The following LNPK variants were observed in gnomAD, a reference collection of about 807,000 sequenced individuals.
LNPK encodes lunapark, ER junction formation factor, also known as endoplasmic reticulum junction formation protein lunapark.
In LNPK, 29 loss-of-function variants were observed where a neutral mutation model predicts 55.2. That is an observed-to-expected ratio of 0.53 (90% CI 0.39 to 0.72). The LOEUF is 0.72. LNPK is among the 30% of genes least tolerant of loss of function. The probability of loss-of-function intolerance (pLI) is 0.00; values close to 1 mark genes in which losing one functional copy is unlikely to be tolerated. For missense variants in LNPK, 467 were observed against 494.8 expected, an observed-to-expected ratio of 0.94 and a Z score of 0.53; for synonymous variants, 162 against 168.2, an observed-to-expected ratio of 0.96 and a Z score of 0.29.
intron 9 of LNPK, among the ~76,000 whole-genome samples, 188 bp downstream of exon 9, chr2:175,947,287 ATAGGT>A (rs1284695745): frequency 1.3e-5 from 2 of 152,194 alleles, no homozygotes; most frequent in African/African-American, 4.8e-5. Flanking sequence ...AGCTCAAGAA[ATAGGT>A]TTCAGTATCA....
At chr2:175,957,815 C>T (rs977665382) in intron 8 of LNPK, among the ~76,000 whole-genome samples, 31 of 152,168 alleles carry the variant, frequency 2.0e-4, no homozygotes, top group Non-Finnish European at 4.3e-4. Context: ...CAAGGGAAGC[C>T]GTCACAGACA....
chr2:175,950,278 T>C (rs1020136017), intron 8 of LNPK, among the ~76,000 whole-genome samples: 1 of 152,080 alleles, frequency 6.6e-6, no homozygotes, highest in African/African-American at 2.4e-5. Context: ...TTAAGGGTTA[T>C]GAATAAAGGT....
chr2:175,934,640 A>G (rs1181822753), intron 12 of LNPK, among the ~76,000 whole-genome samples: 1 of 152,122 alleles, frequency 6.6e-6, no homozygotes, highest in Non-Finnish European at 1.5e-5. Context: ...CATAAAAAGA[A>G]TGCTTTTTTA....
chr2:175,967,364 T>C (rs890457182), intron 6 of LNPK, among the ~76,000 whole-genome samples: 2 of 152,142 alleles, frequency 1.3e-5, no homozygotes, highest in Non-Finnish European at 2.9e-5. Context: ...ATACAGCCAT[T>C]ACATCATAGA....
At position 175,937,530 on chromosome 2, in the gene LNPK, T is replaced by A. The variant is rs1366834357; in HGVS notation, c.884-16A>T. 1.9e-6 allele frequency: 3 copies of A among 1,598,708 alleles called. No homozygotes were observed. Among genetic ancestry groups the A allele is most frequent in the East Asian group, 2.2e-5 (1 of 44,566 alleles). On this transcript the variant is annotated splice_polypyrimidine_tract_variant and intron_variant, in intron 11 of 12. Transcript: ENST00000272748. ...CATCGAAAAGCTGCAGAGAATTTTT[T>A]AAAAATAAGCAAAACCACAAACCAA...
At chr2:175,992,191 CAG>C in intron 4 of LNPK, 38 bp downstream of exon 4, 1 of 1,346,454 alleles carries the variant, frequency 7.4e-7, no homozygotes, top group Non-Finnish European at 1.0e-6. Flanking sequence ...ACTCTCTAGT[CAG>C]AAAAGGAAAA....
Position 175,937,398 on chromosome 2 carries a change from C to G in LNPK, c.1000G>C (p.Val334Leu). Residue 334 changes from valine (V) to leucine (L), a missense_variant, in exon 12 of 13, where the codon GTT becomes CTT. By Grantham distance (32) the Val-to-Leu change is conservative (BLOSUM62 1). Transcript: ENST00000272748. Reference protein sequence around the residue: ...KRQVVEGSSSVGPLPSGSVLS... With the variant: ...KRQVVEGSSSLGPLPSGSVLS... ...ACACTTCCTGATGGCAAGGGACCAACTGAACTTGAACCTTCCACCACCTGC... is the reference window on the plus strand; with the variant it reads ...ACACTTCCTGATGGCAAGGGACCAAGTGAACTTGAACCTTCCACCACCTGC... The G allele has an allele frequency of 6.2e-7, 1 of 1,613,750 alleles. No homozygotes were observed. The highest frequency in any genetic ancestry group is 8.5e-7 in the Non-Finnish European group (1 of 1,179,742).
At chr2:175,997,450 T>C (rs1280299049) in intron 1 of LNPK, among the ~76,000 whole-genome samples, 1 of 152,196 alleles carries the variant, frequency 6.6e-6, no homozygotes, top group Non-Finnish European at 1.5e-5. Context: ...TAGATTCATA[T>C]GAATCACTTG....
rs570875123 is a variant in LNPK, at chr2:175,944,167, C to T, written c.706+3313G>A. The stretch of plus-strand genomic sequence containing the variant: ...GTTGGAAATAGTTAATAAAACAATA[C>T]CATTTACAATAGCATTAAAATATGA... On this transcript the variant is annotated intron_variant, in intron 9 of 12. Transcript: ENST00000272748. 2.6e-5 allele frequency among the ~76,000 whole-genome samples: 4 copies of T among 152,038 alleles called. No individual in the cohort carries two copies. In the South Asian group the frequency reaches 6.2e-4, roughly 24 times the overall value.
intron 11 of LNPK, among the ~76,000 whole-genome samples, chr2:175,938,064 T>C (rs535850826): frequency 6.6e-6 from 1 of 152,270 alleles, no homozygotes; most frequent in South Asian, 2.1e-4. Context: ...ATCATAATTA[T>C]TTTAAGCTCT....
At chr2:175,931,357 A>G (rs1354440127) in intron 12 of LNPK, among the ~76,000 whole-genome samples, 1 of 152,230 alleles carries the variant, frequency 6.6e-6, no homozygotes, top group African/African-American at 2.4e-5. Context: ...TGTTTTGCAA[A>G]GAAATTATGT....
At position 175,947,915 on chromosome 2, in the gene LNPK, G is replaced by A. The variant is rs544072733; in HGVS notation, c.494-223C>T. On this transcript the variant is annotated intron_variant, in intron 8 of 12. Coordinates refer to ENST00000272748, the MANE Select transcript of LNPK (RefSeq NM_030650.3). ...TTACACAACAAGCCATGATCTAAGT[G>A]TAGCTACTGATACCACTTTTCAAAA... Among the ~76,000 whole-genome samples the A allele has an allele frequency of 3.0e-3, 451 of 152,228 alleles. 7 individuals carry two copies. The highest frequency in any genetic ancestry group is 3.9e-3 in the Non-Finnish European group (267 of 68,006).
chr2:175,960,984 C>A (rs1686000030), intron 8 of LNPK, among the ~76,000 whole-genome samples: 1 of 152,190 alleles, frequency 6.6e-6, no homozygotes, highest in Non-Finnish European at 1.5e-5. Context: ...TTCCTGGACA[C>A]ATACACCCTC....
intron 4 of LNPK, among the ~76,000 whole-genome samples, chr2:175,980,885 C>T (rs1467474461): frequency 2.3e-5 from 3 of 130,092 alleles, no homozygotes; most frequent in East Asian, 2.2e-4. Flanking sequence ...CCAGCCTAGG[C>T]GGCAGAGAAA....
chr2:175,935,164 A>C (rs1684479135), intron 12 of LNPK, among the ~76,000 whole-genome samples: 1 of 152,224 alleles, frequency 6.6e-6, no homozygotes, highest in Non-Finnish European at 1.5e-5. Context: ...GATGGAAGAA[A>C]GTTATCTTTT....
chr2:175,993,261 T>G lies in LNPK; in HGVS notation c.28-38A>C, dbSNP rs1210011431. On this transcript the variant is annotated intron_variant, in intron 2 of 12. Coordinates refer to ENST00000272748, the MANE Select transcript of LNPK (RefSeq NM_030650.3). ...CAGAAACAAGAGACAGCATTAAAAC[T>G]TATCACAAACCTTTACATTTTGATA... The G allele has an allele frequency of 3.0e-6, 4 of 1,311,538 alleles. No homozygotes were observed. The African/African-American group carries it at 6.1e-5, about 20-fold the overall frequency. 81.2% of individuals were successfully genotyped at this position (1,311,538 alleles called of 1,614,324 possible). A position where few individuals can be genotyped will look rare whatever the true frequency, so the allele number is the denominator to read the frequency against.
intron 8 of LNPK, among the ~76,000 whole-genome samples, chr2:175,961,082 A>C (rs1686005523): frequency 6.6e-6 from 1 of 152,186 alleles, no homozygotes; most frequent in African/African-American, 2.4e-5. Flanking sequence ...CCAACCAAAA[A>C]AATTACAGGA....
intron 6 of LNPK, among the ~76,000 whole-genome samples, chr2:175,964,817 T>C (rs1034893203): frequency 6.6e-6 from 1 of 152,178 alleles, no homozygotes; most frequent in Non-Finnish European, 1.5e-5. Flanking sequence ...GCTAATTGTT[T>C]ACATATAATG....
chr2:175,984,668 T>A (rs748496882), intron 4 of LNPK, among the ~76,000 whole-genome samples: 3 of 152,092 alleles, frequency 2.0e-5, no homozygotes, highest in Non-Finnish European at 4.4e-5. Context: ...GAGATATTGC[T>A]ACATACCTAT....
Sources: allele counts gnomAD v4.1 joint callset (sites outside exome capture counted in the v4.1 genomes callset), GRCh38; gene constraint gnomAD v4.1.1; transcripts MANE v1.5; gene names NCBI Gene and HGNC (gene_info 2026-07-23, HGNC 2026-07-21).